The following ACOX3 variants were observed in gnomAD, a reference collection of about 807,000 sequenced individuals.
ACOX3 encodes acyl-CoA oxidase 3, pristanoyl, also known as peroxisomal acyl-coenzyme A oxidase 3.
ACOX3 carries 73 observed loss-of-function variants against 81.5 expected under a neutral mutation model. The observed-to-expected ratio is 0.90, with a 90% CI of 0.74 to 1.09. The LOEUF is 1.09. Ranked by LOEUF, ACOX3 falls within the 50% of genes least tolerant of loss-of-function variation. The pLI, the probability that ACOX3 is intolerant of heterozygous loss-of-function variation, is 0.00. For synonymous variants in ACOX3, 387 were observed against 375.1 expected (o/e 1.03, Z -0.37); for missense variants, 947 against 928.0 (o/e 1.02, Z -0.27).
At position 8,405,604 on chromosome 4, in the gene ACOX3, G is replaced by A. The variant is rs539903595; in HGVS notation, c.776+351C>T. Among the ~76,000 whole-genome samples, 3 of 152,218 alleles carry A rather than the reference G, an allele frequency of 2.0e-5. No individual in the cohort carries two copies. The highest frequency in any genetic ancestry group is 1.5e-5 in the Non-Finnish European group (1 of 68,034). On this transcript the variant is annotated intron_variant, in intron 7 of 17. Coordinates refer to ENST00000356406, the MANE Select transcript of ACOX3 (RefSeq NM_003501.3). This position sits in a 1 kb window ranked among gnomAD's most constrained non-coding sequence, Gnocchi z 7.1. Reference sequence around the variant, plus strand: ...ATCAGCATGGATGTGTGCAGAGGCCGAGCCGGGGGAGGCTCAGGATGCTGA... The same window carrying A: ...ATCAGCATGGATGTGTGCAGAGGCCAAGCCGGGGGAGGCTCAGGATGCTGA...
chr4:8,400,918 T>C lies in ACOX3; in HGVS notation c.777-1266A>G, dbSNP rs143222308. On this transcript the variant is annotated intron_variant, in intron 7 of 17. Transcript: ENST00000356406. This position sits in a 1 kb window ranked among gnomAD's most constrained non-coding sequence, Gnocchi z 4.4. The stretch of plus-strand genomic sequence containing the variant: ...TATTACATGGTAACACATAATGAAA[T>C]GATTATACAATTAGCCATAATGCAA... Among the ~76,000 whole-genome samples the C allele has an allele frequency of 5.3e-5, 8 of 151,802 alleles. No individual in the cohort carries two copies. The highest frequency in any genetic ancestry group is 5.3e-4 in the Admixed American group (8 of 15,236).
chr4:8,412,122 G>A (rs1364766994), intron 5 of ACOX3, among the ~76,000 whole-genome samples: 2 of 152,254 alleles, frequency 1.3e-5, no homozygotes, highest in Admixed American at 1.3e-4. Context: ...AAAGAGGACA[G>A]CAGGAGGAGA....
chr4:8,408,892 GGGGGGGGGGGGT>G (rs1413553551), intron 6 of ACOX3, among the ~76,000 whole-genome samples: 377 of 8,186 alleles, frequency 0.046, 5 homozygotes, highest in East Asian at 0.13. Flanking sequence ...AGCCCTCACT[GGGGGGGGGGGGT>G]GGGGGGGGGG....
downstream of ACOX3, among the ~76,000 whole-genome samples, chr4:8,365,637 CG>C (rs1301419919): frequency 2.7e-5 from 4 of 149,864 alleles, no homozygotes; most frequent in African/African-American, 1.0e-4. Context: ...GAGCGTCCCA[CG>C]AGATGATGAA....
rs750792736 is a variant in ACOX3, at chr4:8,389,582, C to G, written c.1423+30G>C. On this transcript the variant is annotated intron_variant, in intron 12 of 17. Transcript: ENST00000356406. This position sits in a 1 kb window ranked among gnomAD's most constrained non-coding sequence, Gnocchi z 5.3. ...CACCCCTGCCCCAGTTGGGTTCCAG[C>G]GCCCCCACCAGTGTGCAGCAGAGCC... The G allele has an allele frequency of 1.2e-6, 2 of 1,612,248 alleles. No individual in the cohort carries two copies. The highest frequency in any genetic ancestry group is 1.1e-5 in the South Asian group (1 of 90,938).
At chr4:8,376,668 C>T (rs559378818) in intron 14 of ACOX3, among the ~76,000 whole-genome samples, 5 of 152,254 alleles carry the variant, frequency 3.3e-5, no homozygotes, top group South Asian at 4.1e-4. Flanking sequence ...GCCGTCCTGT[C>T]GGTGCCAGGA....
chr4:8,376,565 A>AAACC (rs1284478219), intron 14 of ACOX3, among the ~76,000 whole-genome samples: 2 of 152,128 alleles, frequency 1.3e-5, no homozygotes, highest in East Asian at 3.9e-4. Flanking sequence ...GGGAAAACAG[A>AAACC]AACCGGGAGA....
intron 7 of ACOX3, among the ~76,000 whole-genome samples, chr4:8,402,973 C>T (rs2688224): frequency 6.6e-6 from 1 of 152,052 alleles, no homozygotes; most frequent in Non-Finnish European, 1.5e-5. Context: ...AGTTCGGCAG[C>T]CATCCTCCCA....
intron 7 of ACOX3, among the ~76,000 whole-genome samples, chr4:8,403,913 A>T (rs1720635828): frequency 6.6e-6 from 1 of 152,196 alleles, no homozygotes; most frequent in African/African-American, 2.4e-5. Flanking sequence ...CCACCGCCAT[A>T]TGCCCGGGTG....
rs906251260 is a variant in ACOX3 at position 8,375,094 on chromosome 4, A to C, written c.1712T>G (p.Phe571Cys). Residue 571 changes from phenylalanine to cysteine, a missense_variant, in exon 15 of 18, where the codon TTC becomes TGC. Phe to Cys is a radical substitution (Grantham distance 205, BLOSUM62 -2). Coordinates refer to ENST00000356406, the MANE Select transcript of ACOX3 (RefSeq NM_003501.3). ...AFVELTVVQR[F>C]HEHVHQPSVP... is the part of the protein sequence containing the mutation. ...GGAAGGCTGGTGCACGTGCTCGTGG[A>C]ACCTCTGGACCACCGTGAGCTCCAC... The C allele has an allele frequency of 1.3e-6, 2 of 1,553,708 alleles. No individual in the cohort carries two copies. Among genetic ancestry groups the C allele is most frequent in the African/African-American group, 2.7e-5 (2 of 73,364 alleles).
At chr4:8,362,897 T>A (rs1715264491), downstream of ACOX3, among the ~76,000 whole-genome samples, 1 of 152,242 alleles carries the variant, frequency 6.6e-6, no homozygotes, top group Non-Finnish European at 1.5e-5. Flanking sequence ...AAATAATTAT[T>A]CTTGCTGTAC....
chr4:8,392,997 T>C (rs893068746), intron 10 of ACOX3: 2 of 152,188 alleles, frequency 1.3e-5, no homozygotes, highest in African/African-American at 2.4e-5. Flanking sequence ...TAACATGTTT[T>C]ATTGAGACTC....
intron 7 of ACOX3, among the ~76,000 whole-genome samples, chr4:8,402,562 T>C (rs758183742): frequency 1.3e-5 from 2 of 152,248 alleles, no homozygotes; most frequent in Non-Finnish European, 2.9e-5. Context: ...AATATATTTA[T>C]ACTTGCAAAA....
chr4:8,391,597 TAA>T (rs1427494064), intron 11 of ACOX3, among the ~76,000 whole-genome samples: 1 of 152,156 alleles, frequency 6.6e-6, no homozygotes, highest in Non-Finnish European at 1.5e-5. Flanking sequence ...CATTAGCAAA[TAA>T]AAAAGTCATT....
chr4:8,409,805 G>A (rs1721501427), intron 6 of ACOX3, among the ~76,000 whole-genome samples: 1 of 149,252 alleles, frequency 6.7e-6, no homozygotes, highest in African/African-American at 2.5e-5. Context: ...GGGTGGAGCT[G>A]TCTGTGCACT....
rs1715714108 is a variant in ACOX3, at chr4:8,368,220, C to G, written c.1984-1140G>C. Reference sequence around the variant, plus strand: ...ACCTGGGCCACCACACCCTGCTCCTCTGGTCCTGCCCCGGGCCAGCACTCC... The same window carrying G: ...ACCTGGGCCACCACACCCTGCTCCTGTGGTCCTGCCCCGGGCCAGCACTCC... On this transcript the variant is annotated intron_variant, in intron 17 of 17. Coordinates refer to ENST00000356406, the MANE Select transcript of ACOX3 (RefSeq NM_003501.3). The surrounding 1 kb of genome is among the most constrained non-coding windows in gnomAD (Gnocchi z 5.9). 2.0e-5 allele frequency among the ~76,000 whole-genome samples: 3 copies of G among 152,352 alleles called. No individual in the cohort carries two copies. In the South Asian group the frequency reaches 6.2e-4, roughly 32 times the overall value.
chr4:8,429,698 G>C (rs1723837508), intron 1 of ACOX3, among the ~76,000 whole-genome samples: 1 of 152,110 alleles, frequency 6.6e-6, no homozygotes, highest in Non-Finnish European at 1.5e-5. Flanking sequence ...AAAAGGGAGA[G>C]TCTAAAAACA....
In ACOX3 at chr4:8,405,809, C is replaced by T. The variant is rs1011241337; in HGVS notation, c.776+146G>A. Reference sequence around the variant, plus strand: ...AAGCAGGACGTGGCCAGTGCATGCACGGGGGCTAGGCGTAGGTCCCCACCG... The same window carrying T: ...AAGCAGGACGTGGCCAGTGCATGCATGGGGGCTAGGCGTAGGTCCCCACCG... On this transcript the variant is annotated intron_variant, in intron 7 of 17. Transcript: ENST00000356406. The surrounding 1 kb of genome is among the most constrained non-coding windows in gnomAD (Gnocchi z 7.1). 99 of 819,594 alleles carry T rather than the reference C, an allele frequency of 1.2e-4. No individual in the cohort carries two copies. The highest frequency in any genetic ancestry group is 5.1e-4 in the Admixed American group (26 of 50,918). The allele number at this position is 819,594 out of a possible 1,614,324, so 50.8% of individuals were successfully genotyped here.
intron 1 of ACOX3, among the ~76,000 whole-genome samples, chr4:8,433,809 TAG>T (rs747263818): frequency 6.6e-6 from 1 of 152,196 alleles, no homozygotes; most frequent in Non-Finnish European, 1.5e-5. Context: ...TGGATTTTAC[TAG>T]AGATTCTGCA....
Sources: allele counts gnomAD v4.1 joint callset (sites outside exome capture counted in the v4.1 genomes callset), GRCh38; gene constraint gnomAD v4.1.1; non-coding constraint Gnocchi (gnomAD v3.1); transcripts MANE v1.5; gene names NCBI Gene and HGNC (gene_info 2026-07-23, HGNC 2026-07-21).